The following PLA2G4E variants were observed in gnomAD, a reference collection of about 807,000 sequenced individuals.
The protein encoded by PLA2G4E is cytosolic phospholipase A2 epsilon.
PLA2G4E carries 84 observed loss-of-function variants against 109.1 expected under a neutral mutation model. The observed-to-expected ratio is 0.77, with a 90% CI of 0.65 to 0.92. PLA2G4E has a LOEUF of 0.92. Ranked by LOEUF, PLA2G4E falls within the 40% of genes least tolerant of loss-of-function variation. PLA2G4E has a pLI of 0.00. For missense variants in PLA2G4E, 1,057 were observed against 1,076.6 expected (o/e 0.98, Z 0.25); for synonymous variants, 469 against 436.1 (o/e 1.08, Z -0.94).
At chr15:42,005,871 T>C (rs1022678757) in intron 4 of PLA2G4E, 119 bp downstream of exon 4, 1 of 1,253,884 alleles carries the variant, frequency 8.0e-7, no homozygotes, top group Non-Finnish European at 1.1e-6. Context: ...AGCAGCACCA[T>C]CTTTTCTCAA....
chr15:42,010,132 G>GCTC (rs1555386988), intron 2 of PLA2G4E: 2 of 428,674 alleles, frequency 4.7e-6, no homozygotes, highest in African/African-American at 2.9e-5. Context: ...CAGAACACTG[G>GCTC]CCCCCCCACC....
At chr15:42,045,272 C>A (rs899812845) in intron 1 of PLA2G4E, among the ~76,000 whole-genome samples, 3 of 151,940 alleles carry the variant, frequency 2.0e-5, no homozygotes, top group Non-Finnish European at 4.4e-5. Flanking sequence ...CCTCACTCCA[C>A]GTGGGTGGCA....
chr15:42,030,405 G>A (rs1400347340), intron 1 of PLA2G4E, among the ~76,000 whole-genome samples: 1 of 152,178 alleles, frequency 6.6e-6, no homozygotes. Flanking sequence ...CTCTTTATCT[G>A]CGAGGAACAG....
intron 1 of PLA2G4E, among the ~76,000 whole-genome samples, chr15:42,033,289 G>A (rs1222694999): frequency 1.3e-5 from 2 of 152,104 alleles, no homozygotes. Flanking sequence ...GATGAGCCTT[G>A]GCCCTGCTTG....
At chr15:42,040,551 G>A (rs1668593) in intron 1 of PLA2G4E, among the ~76,000 whole-genome samples, 14,927 of 152,136 alleles carry the variant, frequency 0.098, 832 homozygotes, top group South Asian at 0.19. Context: ...TCAGATATTA[G>A]GTTTCTCTAT....
intron 1 of PLA2G4E, among the ~76,000 whole-genome samples, chr15:42,033,746 T>A (rs972472260): frequency 2.6e-5 from 4 of 152,172 alleles, no homozygotes; most frequent in Non-Finnish European, 5.9e-5. Flanking sequence ...AGCCACCACC[T>A]GGCACCCTCT....
At chr15:41,986,287 G>A (rs775469285) in intron 17 of PLA2G4E, among the ~76,000 whole-genome samples, 5 of 152,174 alleles carry the variant, frequency 3.3e-5, no homozygotes, top group Non-Finnish European at 7.3e-5. Flanking sequence ...TGTCCCATTG[G>A]CCCCAGATGG....
chr15:41,987,888 C>T (rs1400370169), intron 16 of PLA2G4E, among the ~76,000 whole-genome samples, 161 bp downstream of exon 16: 1 of 151,702 alleles, frequency 6.6e-6, no homozygotes, highest in African/African-American at 2.4e-5. Flanking sequence ...GAGGGAAAGC[C>T]GGGGGCCGCC....
chr15:42,005,600 C>A (rs1022897939), intron 4 of PLA2G4E, among the ~76,000 whole-genome samples: 4 of 152,250 alleles, frequency 2.6e-5, no homozygotes, highest in African/African-American at 9.6e-5. Flanking sequence ...CACCTTTACC[C>A]TCATCTGTCC....
At chr15:41,995,519 G>A (rs368488128) in intron 11 of PLA2G4E, 23 bp from the exon 12 acceptor site, 200 of 1,608,602 alleles carry the variant, frequency 1.2e-4, no homozygotes, top group Non-Finnish European at 1.6e-4. Context: ...AGAGGCAGGC[G>A]GTTGGGGAAG....
intron 14 of PLA2G4E, 124 bp downstream of exon 14, chr15:41,989,997 C>T: frequency 1.3e-6 from 1 of 771,424 alleles, no homozygotes; most frequent in Non-Finnish European, 2.2e-6. Context: ...GCTGTGTGCA[C>T]AGTCTGGATG....
rs770622484 is a variant in PLA2G4E at position 42,003,705 on chromosome 15, C to T, written c.567-1009G>A. Among the ~76,000 whole-genome samples the T allele has an allele frequency of 1.5e-4, 23 of 152,220 alleles. 1 individual carries two copies. Among genetic ancestry groups the T allele is most frequent in the Middle Eastern group, 3.2e-3 (1 of 316 alleles). ...AGAGGATTCTCCAAGTGGCAGTTGA[C>T]GAGCCCTCTTGTCCTGTCTCCCACC... is the stretch of plus-strand genomic sequence containing the variant. On this transcript the variant is annotated intron_variant, in intron 5 of 19. Coordinates refer to ENST00000399518, the Ensembl canonical transcript of PLA2G4E.
chr15:41,994,918 G>C (rs1274438138), intron 12 of PLA2G4E, among the ~76,000 whole-genome samples: 21 of 152,246 alleles, frequency 1.4e-4, no homozygotes, highest in Non-Finnish European at 8.8e-5. Context: ...GCCTCCCTGT[G>C]GGGGAACCCA....
exon 3 of PLA2G4E, chr15:42,007,839 G>C (rs2068492615): frequency 6.2e-7 from 1 of 1,607,180 alleles, no homozygotes; most frequent in African/African-American, 1.3e-5. Context: ...GGCAGCCAGA[G>C]GCTCACAAAA....
intron 1 of PLA2G4E, among the ~76,000 whole-genome samples, chr15:42,026,500 C>T (rs1032724775): frequency 3.9e-5 from 6 of 152,102 alleles, no homozygotes; most frequent in Admixed American, 2.0e-4. Context: ...TTTACTACAG[C>T]TACTAAATTG....
At chr15:41,997,288 C>T (rs1006953182) in intron 10 of PLA2G4E, 29 bp from the exon 11 acceptor site, 10 of 1,515,078 alleles carry the variant, frequency 6.6e-6, no homozygotes, top group Non-Finnish European at 8.9e-6. Flanking sequence ...CTGTATTGGG[C>T]CTGCAGCCTC....
At chr15:41,996,299 G>A (rs2068337358) in intron 11 of PLA2G4E, among the ~76,000 whole-genome samples, 2 of 140,982 alleles carry the variant, frequency 1.4e-5, no homozygotes, top group Admixed American at 7.5e-5. Context: ...AGTGAGCTGT[G>A]ATGGTGCCAC....
At chr15:42,005,823 G>A (rs1035442749) in intron 4 of PLA2G4E, among the ~76,000 whole-genome samples, 167 bp downstream of exon 4, 1 of 152,170 alleles carries the variant, frequency 6.6e-6, no homozygotes, top group Non-Finnish European at 1.5e-5. Flanking sequence ...TTATTTTTAC[G>A]ACATCACATA....
intron 5 of PLA2G4E, 29 bp downstream of exon 5, chr15:42,004,909 G>C (rs757615960): frequency 3.8e-6 from 6 of 1,598,744 alleles, no homozygotes; most frequent in Non-Finnish European, 5.1e-6. Context: ...CCAGGACCTT[G>C]GTGGGCCCCG....
Sources: gnomAD v4.1 joint callset for allele counts (sites outside exome capture counted in the v4.1 genomes callset) on GRCh38, gnomAD v4.1.1 for gene constraint, MANE v1.5 for transcripts, NCBI Gene and HGNC (gene_info 2026-07-23, HGNC 2026-07-21) for gene names.